Variants in TMEM132C observed in about 807,000 individuals in gnomAD.
The protein encoded by TMEM132C is protein phosphatase 1, regulatory subunit 152.
TMEM132C carries 29 observed loss-of-function variants against 61.4 expected under a neutral mutation model. The ratio of observed to expected loss-of-function variants is 0.47; its 90% CI spans 0.35 to 0.64. TMEM132C has a LOEUF of 0.64. TMEM132C is among the 30% of genes least tolerant of loss of function. The pLI, the probability that TMEM132C is intolerant of heterozygous loss-of-function variation, is 0.00. For missense variants in TMEM132C, 1,408 were observed against 1,476.9 expected (o/e 0.95, Z 0.76); for synonymous variants, 656 against 633.1 (o/e 1.04, Z -0.54).
In TMEM132C at chr12:128,487,618, T is replaced by TATATATATATATATATATATATATACAC. The variant is rs1443168994; in HGVS notation, c.975-56327_975-56326insATATATATATATACACATATATATATAT. 1.3e-3 allele frequency among the ~76,000 whole-genome samples: 189 copies of TATATATATATATATATATATATATACAC among 149,334 alleles called. 1 individual carries two copies. The highest frequency in any genetic ancestry group is 4.6e-3 in the African/African-American group (184 of 40,054). The stretch of plus-strand genomic sequence containing the variant: ...GTGTGTGTGGGTATATATATATATA[T>TATATATATATATATATATATATATACAC]ATATATATATATGCATGCATATGTG... On this transcript the variant is annotated intron_variant, in intron 2 of 8. Coordinates refer to ENST00000435159, the MANE Select transcript of TMEM132C (RefSeq NM_001136103.3).
At chr12:128,321,416 A>G (rs2135935431) in intron 1 of TMEM132C, among the ~76,000 whole-genome samples, 1 of 152,272 alleles carries the variant, frequency 6.6e-6, no homozygotes, top group African/African-American at 2.4e-5. Flanking sequence ...CCCAAATAAC[A>G]TTTTTGAAAA....
intron 4 of TMEM132C, among the ~76,000 whole-genome samples, chr12:128,623,200 G>A (rs536516488): frequency 6.6e-6 from 1 of 152,208 alleles, no homozygotes; most frequent in Non-Finnish European, 1.5e-5. Flanking sequence ...AGGAATCATT[G>A]CTGTCTTTAG....
intron 1 of TMEM132C, among the ~76,000 whole-genome samples, chr12:128,379,101 G>A (rs576144480): frequency 2.8e-4 from 42 of 152,236 alleles, no homozygotes; most frequent in African/African-American, 9.6e-4. Flanking sequence ...TATTAGCAGC[G>A]TGAGAACAGA....
At chr12:128,351,527 G>T (rs1448216616) in intron 1 of TMEM132C, among the ~76,000 whole-genome samples, 1 of 152,188 alleles carries the variant, frequency 6.6e-6, no homozygotes, top group Non-Finnish European at 1.5e-5. Context: ...ATAAAGACAA[G>T]AAATCTATTT....
chr12:128,351,210 A>C (rs1873327047), intron 1 of TMEM132C, among the ~76,000 whole-genome samples: 1 of 152,142 alleles, frequency 6.6e-6, no homozygotes, highest in African/African-American at 2.4e-5. Context: ...TCTGGGGCCA[A>C]GGAGTGATAT....
rs1352538651 is a variant in TMEM132C at position 128,415,007 on chromosome 12, C to G, written c.361C>G (p.Pro121Ala). Residue 121 changes from proline (P) to alanine (A), a missense_variant, in exon 2 of 9, where the codon CCA becomes GCA. Physicochemically the swap from Pro to Ala is conservative, Grantham distance 27 (BLOSUM62 -1). Coordinates refer to ENST00000435159, the MANE Select transcript of TMEM132C (RefSeq NM_001136103.3). The surrounding 1 kb of genome is among the most constrained non-coding windows in gnomAD (Gnocchi z 5.8). The stretch of plus-strand genomic sequence containing the variant: ...GATGTTGACTTCAAACTTTTTAGGT[C>G]CAACCAATAAGTTTAGTTTTGATTG... The part of the protein sequence containing the change: ...DLMLTSNFLG[P>A]TNKFSFDWKL... 1 of 1,554,484 alleles carries G rather than the reference C, an allele frequency of 6.4e-7. No individual in the cohort carries two copies. Among genetic ancestry groups the G allele is most frequent in the South Asian group, 1.2e-5 (1 of 84,194 alleles).
intron 2 of TMEM132C, among the ~76,000 whole-genome samples, chr12:128,453,977 A>G (rs780670261): frequency 2.0e-5 from 3 of 152,204 alleles, no homozygotes; most frequent in Non-Finnish European, 4.4e-5. Context: ...ACAGGTCAGA[A>G]GGTACAGAAG....
intron 3 of TMEM132C, among the ~76,000 whole-genome samples, chr12:128,575,094 C>T (rs552616182): frequency 3.3e-5 from 5 of 152,330 alleles, no homozygotes; most frequent in African/African-American, 1.2e-4. Context: ...TTATCTTTCT[C>T]GGCAGTAGGA....
chr12:128,639,965 T>G (rs1954145384), intron 4 of TMEM132C, among the ~76,000 whole-genome samples: 1 of 152,216 alleles, frequency 6.6e-6, no homozygotes, highest in Admixed American at 6.5e-5. Context: ...ACTTATTGTT[T>G]GGGAGATTTC....
chr12:128,563,300 C>G (rs1408998873), intron 3 of TMEM132C, among the ~76,000 whole-genome samples: 2 of 152,198 alleles, frequency 1.3e-5, no homozygotes, highest in Non-Finnish European at 2.9e-5. Context: ...GGGAGTCAGA[C>G]AGGAGGTCCA....
Position 128,579,339 on chromosome 12 carries a change from A to C in TMEM132C, c.1121+35236A>C, listed in dbSNP as rs73426440. Among the ~76,000 whole-genome samples, 686 of 152,322 alleles carry C rather than the reference A, an allele frequency of 4.5e-3. 3 individuals carry two copies. Among genetic ancestry groups the C allele is most frequent in the African/African-American group, 0.016 (654 of 41,574 alleles). On this transcript the variant is annotated intron_variant, in intron 3 of 8. Coordinates refer to ENST00000435159, the MANE Select transcript of TMEM132C (RefSeq NM_001136103.3). ...AATCGTTTCTACTCTAATGTCTTCC[A>C]TTAAGAATGTATCAGTTGTCATGTC...
intron 2 of TMEM132C, among the ~76,000 whole-genome samples, chr12:128,466,862 C>G (rs904053225): frequency 6.6e-6 from 1 of 152,160 alleles, no homozygotes; most frequent in Admixed American, 6.5e-5. Flanking sequence ...CTTGGACATT[C>G]AGGTTTGGAG....
chr12:128,450,506 C>A (rs1232441882), intron 2 of TMEM132C, among the ~76,000 whole-genome samples: 1 of 152,164 alleles, frequency 6.6e-6, no homozygotes, highest in East Asian at 1.9e-4. Context: ...ATGCCCTAGG[C>A]TATGGTAAAT....
rs1203213512 is a variant in TMEM132C at position 128,267,351 on chromosome 12, G to T, written c.-52G>T. ...GGGGCGGCCGGCGGGGGCCGCGGGC[G>T]GGCGCTGCGCTTCGGGCTGGCGGCG... On this transcript the variant is annotated 5_prime_UTR_variant, in exon 1 of 9. Transcript: ENST00000435159. 2 of 986,882 alleles carry T rather than the reference G, an allele frequency of 2.0e-6. No homozygotes were observed. Among genetic ancestry groups the T allele is most frequent in the Non-Finnish European group, 2.4e-6 (2 of 829,918 alleles). The allele number at this position is 986,882 out of a possible 1,614,324, so 61.1% of individuals were successfully genotyped here.
intron 4 of TMEM132C, among the ~76,000 whole-genome samples, chr12:128,651,717 G>T (rs34826806): frequency 6.6e-6 from 1 of 152,092 alleles, no homozygotes; most frequent in African/African-American, 2.4e-5. Flanking sequence ...AATGGGAATG[G>T]GGGGTGAAGG....
At chr12:128,323,483 G>T (rs573553398) in intron 1 of TMEM132C, among the ~76,000 whole-genome samples, 1 of 152,236 alleles carries the variant, frequency 6.6e-6, no homozygotes, top group African/African-American at 2.4e-5. Context: ...AGCCTTGCTC[G>T]TTGGGGGACC....
intron 1 of TMEM132C, among the ~76,000 whole-genome samples, chr12:128,346,250 C>T (rs1211573572): frequency 1.3e-5 from 2 of 152,038 alleles, no homozygotes; most frequent in Non-Finnish European, 2.9e-5. Flanking sequence ...TTATTCTCTT[C>T]CATTGGTCTA....
chr12:128,509,445 A>T (rs1872500563), intron 2 of TMEM132C, among the ~76,000 whole-genome samples: 1 of 152,226 alleles, frequency 6.6e-6, no homozygotes, highest in Non-Finnish European at 1.5e-5. Context: ...TCAACTATGC[A>T]TTCTTAGTGT....
intron 4 of TMEM132C, among the ~76,000 whole-genome samples, chr12:128,626,128 T>TTTCTC (rs1954013371): frequency 8.2e-6 from 1 of 121,632 alleles, no homozygotes; most frequent in Non-Finnish European, 1.8e-5. Flanking sequence ...TCTTTCTTTC[T>TTTCTC]TTTTTTTTTT....
Sources: allele counts gnomAD v4.1 joint callset (sites outside exome capture counted in the v4.1 genomes callset), GRCh38; gene constraint gnomAD v4.1.1; non-coding constraint Gnocchi (gnomAD v3.1); transcripts MANE v1.5; gene names NCBI Gene and HGNC (gene_info 2026-07-23, HGNC 2026-07-21).